Variants in MMP26 observed in about 807,000 individuals in gnomAD.
MMP26 encodes the protein matrix metallopeptidase 26, also known as matrix metalloproteinase-26.
Under a neutral mutation model 31.0 loss-of-function variants are expected in MMP26, and 33 were observed. The ratio of observed to expected loss-of-function variants is 1.06; its 90% CI spans 0.81 to 1.42. The LOEUF (loss-of-function observed/expected upper bound fraction) is 1.42. Among genes scored for constraint, MMP26 ranks in the 40% most tolerant of loss-of-function variants. The probability of loss-of-function intolerance (pLI) is 0.00; values close to 1 mark genes in which losing one functional copy is unlikely to be tolerated. For synonymous variants in MMP26, 122 were observed against 114.9 expected, an observed-to-expected ratio of 1.06 and a Z score of -0.40; for missense variants, 347 against 316.1, an observed-to-expected ratio of 1.10 and a Z score of -0.74.
rs756241912 is a variant in MMP26, at chr11:4,848,785, C to T, written c.-145+81444C>T. On this transcript the variant is annotated intron_variant, in intron 2 of 7. Transcript: ENST00000380390. ...CTAATTACACCATTGGTGAGGAGCGCTGGGTAGTGGAGAGGTCGGCAGATG... is the reference window on the plus strand; with the variant it reads ...CTAATTACACCATTGGTGAGGAGCGTTGGGTAGTGGAGAGGTCGGCAGATG... 3 of 1,614,024 alleles carry T rather than the reference C, an allele frequency of 1.9e-6. No individual in the cohort carries two copies. In the South Asian group the frequency reaches 3.3e-5, roughly 18 times the overall value.
intron 2 of MMP26, among the ~76,000 whole-genome samples, chr11:4,927,367 TGAAGA>T (rs1564808891): frequency 1.3e-5 from 2 of 152,072 alleles, no homozygotes. Flanking sequence ...GTGCTTTGAA[TGAAGA>T]GAAAAGAGAT....
At chr11:4,888,253 T>A (rs1238635658) in intron 2 of MMP26, among the ~76,000 whole-genome samples, 1 of 152,132 alleles carries the variant, frequency 6.6e-6, no homozygotes, top group Non-Finnish European at 1.5e-5. Flanking sequence ...TACTCACAAG[T>A]AAAAGATAGA....
chr11:4,910,296 C>G (rs1004343917), intron 2 of MMP26, among the ~76,000 whole-genome samples: 7 of 152,020 alleles, frequency 4.6e-5, no homozygotes, highest in Admixed American at 6.6e-5. Context: ...AGTAAGGAGT[C>G]TCTACTTCTA....
At position 4,720,845 on chromosome 11, in the gene MMP26, G is replaced by T. The variant is rs951399225; in HGVS notation, c.-217+15800G>T. On this transcript the variant is annotated intron_variant, in intron 1 of 7. Coordinates refer to ENST00000380390, the MANE Select transcript of MMP26 (RefSeq NM_021801.5). ...CAGGAACACCACAGAAAGACCTCTC[G>T]TGGAGTTGAGACTTAGGTCCCTGAA... Among the ~76,000 whole-genome samples, 3 of 152,316 alleles carry T rather than the reference G, an allele frequency of 2.0e-5. No homozygotes were observed. The East Asian group carries it at 5.8e-4, about 29-fold the overall frequency.
chr11:4,709,715 T>G lies in MMP26; in HGVS notation c.-217+4670T>G, dbSNP rs749849567. 2.6e-5 allele frequency: 12 copies of G among 460,400 alleles called. 1 individual carries two copies. The highest frequency in any genetic ancestry group is 1.9e-4 in the South Asian group (12 of 64,730). 28.5% of individuals were successfully genotyped at this position (460,400 alleles called of 1,614,324 possible). ...TCTCTGGGAATGGCATGATCCTGTT[T>G]GTCATCATCACTGAGTCAAGCCTCC... On this transcript the variant is annotated intron_variant, in intron 1 of 7. Coordinates refer to ENST00000380390, the MANE Select transcript of MMP26 (RefSeq NM_021801.5).
intron 1 of MMP26, among the ~76,000 whole-genome samples, chr11:4,763,606 C>T (rs765385959): frequency 1.2e-4 from 18 of 152,112 alleles, no homozygotes; most frequent in Non-Finnish European, 1.8e-4. Context: ...AGAGTACATG[C>T]CCTTCAACAG....
At chr11:4,834,617 C>T (rs564789420) in intron 2 of MMP26, among the ~76,000 whole-genome samples, 1 of 152,318 alleles carries the variant, frequency 6.6e-6, no homozygotes, top group South Asian at 2.1e-4. Context: ...ACTGTGATAG[C>T]TCAGTCCTTC....
At chr11:4,846,890 C>A (rs1472962875) in intron 2 of MMP26, among the ~76,000 whole-genome samples, 1 of 152,170 alleles carries the variant, frequency 6.6e-6, no homozygotes, top group Non-Finnish European at 1.5e-5. Flanking sequence ...ATGCTTACAA[C>A]TACAGCATTT....
At chr11:4,723,765 C>A in intron 1 of MMP26, 1 of 1,487,354 alleles carries the variant, frequency 6.7e-7, no homozygotes, top group Non-Finnish European at 9.3e-7. Context: ...ACATGTTGTC[C>A]ATGTTGCTCC....
intron 2 of MMP26, among the ~76,000 whole-genome samples, chr11:4,964,892 GAAC>G (rs1250388194): frequency 3.9e-5 from 6 of 152,170 alleles, no homozygotes; most frequent in African/African-American, 7.2e-5. Context: ...ACATGCAGGG[GAAC>G]AACACACACT....
chr11:4,723,465 C>G (rs1188499953), intron 1 of MMP26: 3 of 1,082,442 alleles, frequency 2.8e-6, no homozygotes, highest in African/African-American at 3.1e-5. Context: ...CAGATGTGTC[C>G]GAAATCTGGG....
At chr11:4,807,781 T>TA (rs1362318182) in intron 2 of MMP26, among the ~76,000 whole-genome samples, 42 of 152,152 alleles carry the variant, frequency 2.8e-4, no homozygotes, top group African/African-American at 8.9e-4. Flanking sequence ...TAAAAAATGA[T>TA]AAAAAATTTG....
intron 2 of MMP26, among the ~76,000 whole-genome samples, chr11:4,872,499 C>T (rs773451839): frequency 2.0e-5 from 3 of 151,962 alleles, no homozygotes; most frequent in Non-Finnish European, 4.4e-5. Context: ...GTCCCCCTCC[C>T]CCACTCACCC....
intron 2 of MMP26, among the ~76,000 whole-genome samples, chr11:4,858,278 A>G (rs1025121380): frequency 1.3e-5 from 2 of 152,144 alleles, no homozygotes; most frequent in African/African-American, 4.8e-5. Flanking sequence ...AAAAGAGGAA[A>G]TCAAATTGTC....
chr11:4,942,851 C>T (rs1035949870), intron 2 of MMP26: 2 of 152,108 alleles, frequency 1.3e-5, no homozygotes, highest in African/African-American at 4.8e-5. Flanking sequence ...AATTCTCAAG[C>T]AAGAATAACA....
At chr11:4,986,352 TTTA>T (rs1846887165) in intron 2 of MMP26, among the ~76,000 whole-genome samples, 1 of 151,812 alleles carries the variant, frequency 6.6e-6, no homozygotes, top group Non-Finnish European at 1.5e-5. Flanking sequence ...TTTTTATTTT[TTTA>T]TTTTTTCTTG....
At chr11:4,979,373 G>A (rs1274742350) in intron 2 of MMP26, among the ~76,000 whole-genome samples, 2 of 152,062 alleles carry the variant, frequency 1.3e-5, no homozygotes, top group Non-Finnish European at 2.9e-5. Flanking sequence ...TCCTCCAAAG[G>A]GATTGACAGT....
chr11:4,775,542 G>A (rs1428090191), intron 2 of MMP26, among the ~76,000 whole-genome samples: 2 of 152,094 alleles, frequency 1.3e-5, no homozygotes, highest in Non-Finnish European at 2.9e-5. Flanking sequence ...AGCCTGTTTT[G>A]TGTTCCTGTA....
intron 2 of MMP26, among the ~76,000 whole-genome samples, chr11:4,856,228 C>T (rs1050904407): frequency 6.6e-6 from 1 of 152,136 alleles, no homozygotes; most frequent in Non-Finnish European, 1.5e-5. Flanking sequence ...ACAATATTAA[C>T]CTTAAATGTA....
Sources: allele counts gnomAD v4.1 joint callset (sites outside exome capture counted in the v4.1 genomes callset), GRCh38; gene constraint gnomAD v4.1.1; transcripts MANE v1.5; gene names NCBI Gene and HGNC (gene_info 2026-07-23, HGNC 2026-07-21).